The following ANXA5 variants were observed in gnomAD, a reference collection of about 807,000 sequenced individuals.
The protein encoded by ANXA5 is CBP-I.
ANXA5 carries 40 observed loss-of-function variants against 48.1 expected under a neutral mutation model. The observed-to-expected ratio is 0.83, with a 90% confidence interval of 0.65 to 1.08. The LOEUF is 1.08. Ranked by LOEUF, ANXA5 falls within the 50% of genes least tolerant of loss-of-function variation. ANXA5 has a pLI of 0.00. For synonymous variants in ANXA5, 113 were observed against 129.1 expected (o/e 0.88, Z 0.85); for missense variants, 357 against 376.8 (o/e 0.95, Z 0.44).
intron 3 of ANXA5, 104 bp downstream of exon 3, chr4:121,686,184 C>T (rs1724886347): frequency 6.8e-6 from 6 of 878,294 alleles, no homozygotes; most frequent in Middle Eastern, 2.2e-4. Context: ...TCTTCTCCTA[C>T]AGATTTCAGA....
In ANXA5 at chr4:121,669,720, G is replaced by C. The variant is rs181928583; in HGVS notation, c.785C>G (p.Ala262Gly). The C allele has an allele frequency of 3.1e-5, 48 of 1,556,840 alleles. No individual in the cohort carries two copies. The East Asian group carries it at 9.8e-4, about 32-fold the overall frequency. The change falls in exon 12 of 13, where the codon GCT becomes GGT. Residue 262 changes from alanine (A) to glycine (G), a missense_variant. By Grantham distance (60) the Ala-to-Gly change is moderately conservative. Coordinates refer to ENST00000296511, the MANE Select transcript of ANXA5 (RefSeq NM_001154.4). ...GATGAGGGTATGATCATCTGTCCCA[G>C]CTCCCTTTAAAAAAAAAAAAAAAGA... ...AETLYYAMKG[A>G]GTDDHTLIRV...
rs58552831 is a variant in ANXA5 at position 121,696,586 on chromosome 4, C to T, written c.4G>A (p.Ala2Thr). 1 of 1,431,536 alleles carries T rather than the reference C, an allele frequency of 7.0e-7. No homozygotes were observed. The highest frequency in any genetic ancestry group is 2.4e-5 in the Admixed American group (1 of 41,856). The allele number at this position is 1,431,536 out of a possible 1,614,324, so 88.7% of individuals were successfully genotyped here. ...TGGGGGGCGCACGGCCTTACCTGTG[C>T]CATGGCGACTACTCAGGTCAGGGGA... M[A>T]QVLRGTVTDF... Residue 2 changes from alanine to threonine, a missense_variant, in exon 2 of 13, where the codon GCA becomes ACA. Transcript: ENST00000296511.
chr4:121,690,047 A>C (rs1313774104), intron 2 of ANXA5, among the ~76,000 whole-genome samples: 3 of 152,152 alleles, frequency 2.0e-5, no homozygotes, highest in Non-Finnish European at 4.4e-5. Flanking sequence ...GAGCCAGAGG[A>C]GAAGGAAAGG....
rs1050163429 is a variant in ANXA5, at chr4:121,676,488, C to T, written c.531+1406G>A. Among the ~76,000 whole-genome samples the T allele has an allele frequency of 2.0e-5, 3 of 152,216 alleles. No individual in the cohort carries two copies. In the South Asian group the frequency reaches 6.2e-4, roughly 32 times the overall value. Reference sequence around the variant, plus strand: ...GAAGCCATGGGTTTGTTTCTTTATCCATAAAAGGGAAATTGCCCCTTTCTG... The same window carrying T: ...GAAGCCATGGGTTTGTTTCTTTATCTATAAAAGGGAAATTGCCCCTTTCTG... On this transcript the variant is annotated intron_variant, in intron 8 of 12. Coordinates refer to ENST00000296511, the MANE Select transcript of ANXA5 (RefSeq NM_001154.4).
At chr4:121,683,253 C>T in intron 5 of ANXA5, 111 bp downstream of exon 5, 1 of 576,882 alleles carries the variant, frequency 1.7e-6, no homozygotes, top group Non-Finnish European at 2.9e-6. Context: ...AAGCAACTCT[C>T]ACTGAAATAA....
intron 2 of ANXA5, among the ~76,000 whole-genome samples, chr4:121,689,797 G>C (rs575936403): frequency 6.6e-6 from 1 of 152,328 alleles, no homozygotes; most frequent in African/African-American, 2.4e-5. Flanking sequence ...GACTGTGCAA[G>C]AGTGACAAGA....
intron 6 of ANXA5, among the ~76,000 whole-genome samples, chr4:121,681,070 T>A (rs1054257502): frequency 3.9e-5 from 6 of 152,284 alleles, no homozygotes; most frequent in Middle Eastern, 3.4e-3. Flanking sequence ...AGAAAAGGAC[T>A]CTCTACCTCT....
chr4:121,689,017 T>A (rs1159576318), intron 2 of ANXA5, among the ~76,000 whole-genome samples: 2 of 152,094 alleles, frequency 1.3e-5, no homozygotes, highest in African/African-American at 4.8e-5. Context: ...TAAAGACCAA[T>A]AGATTCCCTG....
intron 4 of ANXA5, among the ~76,000 whole-genome samples, chr4:121,683,973 G>A (rs1724834457): frequency 6.6e-6 from 1 of 151,208 alleles, no homozygotes; most frequent in Admixed American, 6.6e-5. Context: ...TTCCTATGGG[G>A]AAATTGTGTA....
At chr4:121,694,591 GT>G (rs1320922721) in intron 2 of ANXA5, among the ~76,000 whole-genome samples, 1 of 152,094 alleles carries the variant, frequency 6.6e-6, no homozygotes, top group Non-Finnish European at 1.5e-5. Flanking sequence ...CACCATGTTG[GT>G]TAGGCTGGTC....
intron 2 of ANXA5, among the ~76,000 whole-genome samples, chr4:121,691,829 A>G (rs986440417): frequency 6.6e-6 from 1 of 152,148 alleles, no homozygotes; most frequent in Non-Finnish European, 1.5e-5. Context: ...ATTATTTATC[A>G]CTGTACTAAG....
At chr4:121,678,326 A>G in intron 7 of ANXA5, 89 bp downstream of exon 7, 5 of 1,051,410 alleles carry the variant, frequency 4.8e-6, no homozygotes, top group Non-Finnish European at 7.1e-6. Flanking sequence ...AAATTATTAA[A>G]AGAATTTTAA....
At chr4:121,679,953 T>A (rs574009283) in intron 6 of ANXA5, among the ~76,000 whole-genome samples, 1 of 152,172 alleles carries the variant, frequency 6.6e-6, no homozygotes, top group African/African-American at 2.4e-5. Context: ...ACTTTCACTA[T>A]AGTCACCACG....
chr4:121,670,908 G>A (rs1385576619), intron 10 of ANXA5, among the ~76,000 whole-genome samples: 1 of 152,056 alleles, frequency 6.6e-6, no homozygotes, highest in South Asian at 2.1e-4. Flanking sequence ...CCAAATACTT[G>A]GAACAAACAG....
At position 121,677,882 on chromosome 4, in the gene ANXA5, G is replaced by C. The variant is rs777529661; in HGVS notation, c.531+12C>G. 1 of 1,607,376 alleles carries C rather than the reference G, an allele frequency of 6.2e-7. No individual in the cohort carries two copies. The highest frequency in any genetic ancestry group is 8.5e-7 in the Non-Finnish European group (1 of 1,174,078). ...CAGCATAATAAAGTCATCATATCCT[G>C]GTGTCACTCACCTGAGCATCTTGTT... On this transcript the variant is annotated intron_variant, in intron 8 of 12. Coordinates refer to ENST00000296511, the MANE Select transcript of ANXA5 (RefSeq NM_001154.4).
chr4:121,676,075 T>G (rs1028630622), intron 8 of ANXA5, among the ~76,000 whole-genome samples: 15 of 152,104 alleles, frequency 9.9e-5, no homozygotes, highest in Non-Finnish European at 2.2e-4. Context: ...CTCCCAGAAC[T>G]CCTATCCTAC....
In ANXA5 at chr4:121,677,917, C is replaced by A. The variant is rs375567838; in HGVS notation, c.508G>T (p.Ala170Ser). The A allele has an allele frequency of 3.6e-5, 58 of 1,613,668 alleles. No homozygotes were observed. In the East Asian group the frequency reaches 1.2e-3, roughly 35 times the overall value. The stretch of plus-strand genomic sequence containing the variant: ...ACCTGAGCATCTTGTTCAACTTGAG[C>A]TTCATCAATTCCAGCATCAGGGTCT... ...NRDPDAGIDE[A>S]QVEQDAQALF... is the part of the protein sequence containing the mutation. Residue 170 changes from alanine (A) to serine (S), a missense_variant, in exon 8 of 13, where the codon GCT (alanine) becomes TCT (serine). Physicochemically the swap from Ala to Ser is moderately conservative, Grantham distance 99. Transcript: ENST00000296511.
At chr4:121,683,616 C>A (rs1032988169) in intron 4 of ANXA5, 139 bp from the exon 5 acceptor site, 1 of 511,858 alleles carries the variant, frequency 2.0e-6, no homozygotes, top group South Asian at 3.4e-5. Context: ...CTAAACAAAA[C>A]CCTATAACCT....
intron 3 of ANXA5, 45 bp downstream of exon 3, chr4:121,686,243 A>C (rs576923467): frequency 1.4e-6 from 2 of 1,439,936 alleles, no homozygotes; most frequent in Admixed American, 3.5e-5. Flanking sequence ...CTTGTTTGGA[A>C]AAACAAATAT....
Sources: allele counts gnomAD v4.1 joint callset (sites outside exome capture counted in the v4.1 genomes callset), GRCh38; gene constraint gnomAD v4.1.1; transcripts MANE v1.5; gene names NCBI Gene and HGNC (gene_info 2026-07-23, HGNC 2026-07-21).